Variants in MCTP1 observed in about 807,000 individuals in gnomAD.
The protein encoded by MCTP1 is multiple C2 and transmembrane domain-containing protein 1.
Under a neutral mutation model 120.6 loss-of-function variants are expected in MCTP1, and 69 were observed. The observed-to-expected ratio is 0.57, with a 90% confidence interval of 0.47 to 0.70. The LOEUF (loss-of-function observed/expected upper bound fraction) is 0.70. MCTP1 is among the 30% of genes least tolerant of loss of function. The probability of loss-of-function intolerance (pLI) is 0.00; values close to 1 mark genes in which losing one functional copy is unlikely to be tolerated. For synonymous variants in MCTP1, 529 were observed against 493.1 expected (o/e 1.07, Z -0.96); for missense variants, 1,203 against 1,248.8 (o/e 0.96, Z 0.55).
At chr5:95,116,801 G>A (rs977312318) in intron 1 of MCTP1, among the ~76,000 whole-genome samples, 4 of 152,080 alleles carry the variant, frequency 2.6e-5, no homozygotes, top group African/African-American at 9.7e-5. Flanking sequence ...TGTGACAACT[G>A]TGAATGGGAA....
Position 95,162,788 on chromosome 5 carries a change from T to C in MCTP1, c.720+121068A>G, listed in dbSNP as rs775909643. 1.1e-4 allele frequency among the ~76,000 whole-genome samples: 17 copies of C among 152,340 alleles called. No individual in the cohort carries two copies. The East Asian group carries it at 2.5e-3, about 22-fold the overall frequency. The stretch of plus-strand genomic sequence containing the variant: ...ACCAACACCATTAATCTGTCAACCA[T>C]GAACACTACTTAACTTTGTGCTCTT... On this transcript the variant is annotated intron_variant, in intron 1 of 22. Transcript: ENST00000515393.
intron 1 of MCTP1, among the ~76,000 whole-genome samples, chr5:95,098,744 T>C (rs1284631159): frequency 2.6e-5 from 4 of 151,758 alleles, no homozygotes; most frequent in South Asian, 2.1e-4. Flanking sequence ...CTACCAATGA[T>C]TTTCTTCACA....
At chr5:95,012,675 T>G (rs1173360943) in intron 2 of MCTP1, among the ~76,000 whole-genome samples, 1 of 152,112 alleles carries the variant, frequency 6.6e-6, no homozygotes, top group Non-Finnish European at 1.5e-5. Context: ...TGTAATTGTT[T>G]TGAGGGAGGC....
chr5:95,224,137 G>A (rs576997553), intron 1 of MCTP1, among the ~76,000 whole-genome samples: 2 of 152,160 alleles, frequency 1.3e-5, no homozygotes, highest in Non-Finnish European at 2.9e-5. Context: ...GGCATGTTAC[G>A]GAATTTCACT....
intron 1 of MCTP1, among the ~76,000 whole-genome samples, chr5:95,118,471 GAAGA>G (rs754242664): frequency 7.2e-5 from 11 of 151,932 alleles, no homozygotes; most frequent in Non-Finnish European, 1.2e-4. Context: ...AGAAAGAAAA[GAAGA>G]AAGAGACCAT....
chr5:95,191,980 A>G (rs965545879), intron 1 of MCTP1, among the ~76,000 whole-genome samples: 5 of 152,006 alleles, frequency 3.3e-5, no homozygotes, highest in African/African-American at 1.2e-4. Flanking sequence ...TGACAGAGCT[A>G]GTCATTATGC....
intron 17 of MCTP1, among the ~76,000 whole-genome samples, chr5:94,800,407 G>T (rs1780972004): frequency 6.6e-6 from 1 of 152,100 alleles, no homozygotes; most frequent in African/African-American, 2.4e-5. Context: ...GGAGAGTTAG[G>T]GGCAGTGCCC....
intron 2 of MCTP1, among the ~76,000 whole-genome samples, chr5:95,000,610 G>T: frequency 6.6e-6 from 1 of 152,108 alleles, no homozygotes; most frequent in Middle Eastern, 3.4e-3. Context: ...AAAGTTGATG[G>T]AATAAGGATA....
intron 1 of MCTP1, among the ~76,000 whole-genome samples, chr5:95,063,119 G>C (rs1749707186): frequency 6.6e-6 from 1 of 152,150 alleles, no homozygotes; most frequent in East Asian, 1.9e-4. Flanking sequence ...CTCTCAGGCA[G>C]AAACTGATCT....
At chr5:94,991,217 T>C (rs1283344786) in intron 2 of MCTP1, among the ~76,000 whole-genome samples, 1 of 152,244 alleles carries the variant, frequency 6.6e-6, no homozygotes. Flanking sequence ...GCATTACTGA[T>C]ACTGTGCCTT....
At chr5:95,054,345 CCTT>C (rs1175312926) in intron 1 of MCTP1, among the ~76,000 whole-genome samples, 1 of 152,204 alleles carries the variant, frequency 6.6e-6, no homozygotes, top group Non-Finnish European at 1.5e-5. Flanking sequence ...AGGAAGATTA[CCTT>C]CTTCAAAAAT....
rs1786998187 is a variant in MCTP1, at chr5:94,826,065, T to C, written c.2437-26933A>G. The C allele has an allele frequency of 1.6e-5, 5 of 311,960 alleles. No individual in the cohort carries two copies. The South Asian group carries it at 2.0e-4, about 13-fold the overall frequency. 19.3% of individuals were successfully genotyped at this position (311,960 alleles called of 1,614,324 possible). On this transcript the variant is annotated intron_variant, in intron 17 of 22. Coordinates refer to ENST00000515393, the MANE Select transcript of MCTP1 (RefSeq NM_024717.7). The stretch of plus-strand genomic sequence containing the variant: ...ATTCTGGCTCGTGGAGAAGATACTT[T>C]GAAGGATCACAGGAAGTTATTTGCT...
intron 1 of MCTP1, among the ~76,000 whole-genome samples, chr5:95,274,888 C>A (rs1759701766): frequency 6.6e-6 from 1 of 151,962 alleles, no homozygotes; most frequent in African/African-American, 2.4e-5. Flanking sequence ...CTCCCAAAGG[C>A]TACTGTTTTG....
intron 19 of MCTP1, among the ~76,000 whole-genome samples, chr5:94,738,477 C>A (rs1469303040): frequency 6.6e-6 from 1 of 152,176 alleles, no homozygotes; most frequent in Non-Finnish European, 1.5e-5. Flanking sequence ...CCTGTGAACA[C>A]ACATCACACT....
At chr5:94,970,285 G>A (rs1358895147) in intron 2 of MCTP1, among the ~76,000 whole-genome samples, 1 of 151,604 alleles carries the variant, frequency 6.6e-6, no homozygotes, top group Non-Finnish European at 1.5e-5. Context: ...GAATAATTTG[G>A]GATACATATG....
intron 1 of MCTP1, among the ~76,000 whole-genome samples, chr5:95,020,265 T>C (rs1207651134): frequency 1.3e-5 from 2 of 152,070 alleles, no homozygotes; most frequent in African/African-American, 2.4e-5. Flanking sequence ...TCAGGTTTTA[T>C]ATTTTCAAAT....
chr5:94,936,959 T>C (rs1365019036), intron 5 of MCTP1, among the ~76,000 whole-genome samples: 6 of 152,036 alleles, frequency 3.9e-5, no homozygotes, highest in Non-Finnish European at 7.4e-5. Flanking sequence ...CCTCAGCTAT[T>C]GATTGTACCC....
intron 17 of MCTP1, among the ~76,000 whole-genome samples, chr5:94,866,670 C>G (rs1796874711): frequency 6.6e-6 from 1 of 151,502 alleles, no homozygotes; most frequent in African/African-American, 2.4e-5. Context: ...ATTTGACCCC[C>G]TTACAGTCTT....
intron 19 of MCTP1, among the ~76,000 whole-genome samples, chr5:94,735,992 C>T (rs1261881180): frequency 2.6e-5 from 4 of 152,186 alleles, no homozygotes; most frequent in Non-Finnish European, 4.4e-5. Flanking sequence ...GGTTTCAACC[C>T]ACTACCCCTG....
Sources: allele counts gnomAD v4.1 joint callset (sites outside exome capture counted in the v4.1 genomes callset), GRCh38; gene constraint gnomAD v4.1.1; transcripts MANE v1.5; gene names NCBI Gene and HGNC (gene_info 2026-07-23, HGNC 2026-07-21).